Variants in XRRA1 observed in about 807,000 individuals in gnomAD.
XRRA1 encodes the protein X-ray radiation resistance associated 1, also known as X-ray radiation resistance-associated protein 1.
In XRRA1, 69 loss-of-function variants were observed where a neutral mutation model predicts 80.2. The observed-to-expected ratio is 0.86, with a 90% confidence interval of 0.71 to 1.05. The LOEUF is 1.05. Among genes scored for constraint, XRRA1 ranks in the 50% least tolerant of loss-of-function variants. The pLI is 0.00. For synonymous variants in XRRA1, 348 were observed against 389.9 expected (o/e 0.89, Z 1.27); for missense variants, 967 against 976.4 (o/e 0.99, Z 0.13).
At chr11:74,873,536 C>T (rs551982403) in intron 10 of XRRA1, among the ~76,000 whole-genome samples, 3 of 152,296 alleles carry the variant, frequency 2.0e-5, no homozygotes, top group African/African-American at 7.2e-5. Context: ...ACAGTGCTGC[C>T]TCAGGGATTT....
chr11:74,944,186 G>A (rs1264476696), intron 2 of XRRA1, among the ~76,000 whole-genome samples: 1 of 152,112 alleles, frequency 6.6e-6, no homozygotes, highest in African/African-American at 2.4e-5. Context: ...TGATCATGAA[G>A]GGGTACCTTC....
At chr11:74,930,192 A>T (rs1943191495) in intron 6 of XRRA1, 108 bp downstream of exon 6, 1 of 945,662 alleles carries the variant, frequency 1.1e-6, no homozygotes, top group African/African-American at 1.7e-5. Flanking sequence ...ACTCCAAAAA[A>T]GAGATGTGTG....
chr11:74,921,175 C>A, intron 8 of XRRA1, 39 bp downstream of exon 8: 3 of 1,603,574 alleles, frequency 1.9e-6, no homozygotes, highest in African/African-American at 1.3e-5. Flanking sequence ...GATATTTGTA[C>A]ACAAAAACAC....
At chr11:74,874,665 A>G (rs78133852) in intron 10 of XRRA1, among the ~76,000 whole-genome samples, 1 of 152,228 alleles carries the variant, frequency 6.6e-6, no homozygotes, top group South Asian at 2.1e-4. Flanking sequence ...CTGACTCCCT[A>G]AATATCAGGC....
intron 10 of XRRA1, among the ~76,000 whole-genome samples, chr11:74,888,748 G>C (rs938134887): frequency 6.6e-6 from 1 of 152,164 alleles, no homozygotes; most frequent in African/African-American, 2.4e-5. Flanking sequence ...TGAAAACCAT[G>C]GCACGAGAAC....
Position 74,940,776 on chromosome 11 carries a change from T to C in XRRA1, c.94+9A>G. On this transcript the variant is annotated intron_variant, in intron 3 of 18. Coordinates refer to ENST00000684022, the MANE Select transcript of XRRA1 (RefSeq NM_001378157.1). Reference sequence around the variant, plus strand: ...GAGGAAAAGGTAGCTATTTGAGAAGTCACCTGACCTTCCTCCGGCACGCGA... The same window carrying C: ...GAGGAAAAGGTAGCTATTTGAGAAGCCACCTGACCTTCCTCCGGCACGCGA... The C allele has an allele frequency of 1.3e-6, 2 of 1,595,844 alleles. No homozygotes were observed. Among genetic ancestry groups the C allele is most frequent in the Non-Finnish European group, 1.7e-6 (2 of 1,170,860 alleles).
chr11:74,924,310 C>T (rs1216687304), intron 7 of XRRA1, among the ~76,000 whole-genome samples: 1 of 150,444 alleles, frequency 6.6e-6, no homozygotes, highest in African/African-American at 2.4e-5. Context: ...CCCGTCTCTA[C>T]TAAAAATACA....
rs1419764844 is a variant in XRRA1, at chr11:74,921,408, TATG to T, written c.523-64_523-62del. On this transcript the variant is annotated intron_variant, in intron 7 of 18. Transcript: ENST00000684022. ...ACTCTGTGTGACAACAATGCTCATA[TATG>T]ATGTGGGAGCTACTTTCTAGAGTGC... The T allele has an allele frequency of 2.5e-6, 4 of 1,597,944 alleles. No individual in the cohort carries two copies. The African/African-American group carries it at 5.3e-5, about 21-fold the overall frequency.
chr11:74,863,143 T>A, intron 10 of XRRA1, 122 bp from the exon 11 acceptor site: 1 of 888,848 alleles, frequency 1.1e-6, no homozygotes, highest in Non-Finnish European at 1.8e-6. Flanking sequence ...GAGTTCTCAT[T>A]GGTCCTCAGC....
chr11:74,892,961 C>T (rs1282308387), intron 10 of XRRA1, among the ~76,000 whole-genome samples: 1 of 152,176 alleles, frequency 6.6e-6, no homozygotes, highest in Non-Finnish European at 1.5e-5. Flanking sequence ...GTTGGTGGGA[C>T]TGTAAACTAG....
At chr11:74,901,238 G>T (rs1458867147) in intron 10 of XRRA1, among the ~76,000 whole-genome samples, 1 of 151,914 alleles carries the variant, frequency 6.6e-6, no homozygotes, top group Non-Finnish European at 1.5e-5. Context: ...AACCAAAGAA[G>T]TAAAAGATCT....
chr11:74,882,046 C>T (rs1347074637), intron 10 of XRRA1, among the ~76,000 whole-genome samples: 1 of 144,868 alleles, frequency 6.9e-6, no homozygotes, highest in South Asian at 2.2e-4. Flanking sequence ...TGAATCTGAA[C>T]GTTGGCCTGC....
chr11:74,902,442 TATA>T (rs1313811417), intron 10 of XRRA1, among the ~76,000 whole-genome samples: 82 of 152,324 alleles, frequency 5.4e-4, no homozygotes, highest in African/African-American at 2.0e-3. Context: ...GGGAAATCGG[TATA>T]TCAGAGAGAT....
intron 11 of XRRA1, 85 bp downstream of exon 11, chr11:74,862,896 C>T (rs1050015209): frequency 3.2e-6 from 4 of 1,236,006 alleles, no homozygotes; most frequent in Middle Eastern, 2.5e-4. Context: ...AAATGACTCT[C>T]ATGGCTCCAT....
intron 10 of XRRA1, among the ~76,000 whole-genome samples, chr11:74,866,284 C>A (rs1211567516): frequency 6.6e-6 from 1 of 152,024 alleles, no homozygotes; most frequent in Non-Finnish European, 1.5e-5. Context: ...GACAGGCTCT[C>A]ATTCTGTCAC....
Position 74,906,360 on chromosome 11 carries a change from G to A in XRRA1, c.882C>T (p.Gly294=). 6.2e-7 allele frequency: 1 copy of A among 1,613,968 alleles called. No homozygotes were observed. The highest frequency in any genetic ancestry group is 8.5e-7 in the Non-Finnish European group (1 of 1,179,890). The change falls in exon 10 of 19, where the codon GGC becomes GGT. Residue 294 remains glycine, a synonymous_variant. Transcript: ENST00000684022. ...LYDESVDWNG[G]RGSPHKEPQF... ...GGGGCTCTTTATGGGGACTTCCCCTGCCTCCATTCCAGTCTACTGACTCGT... is the reference window on the plus strand; with the variant it reads ...GGGGCTCTTTATGGGGACTTCCCCTACCTCCATTCCAGTCTACTGACTCGT...
intron 8 of XRRA1, among the ~76,000 whole-genome samples, chr11:74,914,044 G>T (rs1245129469): frequency 1.3e-5 from 2 of 152,116 alleles, no homozygotes; most frequent in Non-Finnish European, 2.9e-5. Flanking sequence ...GGAGTGCAGT[G>T]GTGTGATCTT....
intron 12 of XRRA1, among the ~76,000 whole-genome samples, chr11:74,857,741 C>A (rs1197044926): frequency 6.6e-6 from 1 of 152,108 alleles, no homozygotes; most frequent in Non-Finnish European, 1.5e-5. Context: ...AAATAGATTT[C>A]AGAAGAATGA....
intron 7 of XRRA1, 135 bp from the exon 8 acceptor site, chr11:74,921,482 T>A: frequency 8.5e-7 from 1 of 1,180,612 alleles, no homozygotes; most frequent in African/African-American, 1.5e-5. Flanking sequence ...CAGATTAATA[T>A]TCAAGGTCTA....
Sources: allele counts gnomAD v4.1 joint callset (sites outside exome capture counted in the v4.1 genomes callset), GRCh38; gene constraint gnomAD v4.1.1; transcripts MANE v1.5; gene names NCBI Gene and HGNC (gene_info 2026-07-23, HGNC 2026-07-21).